The following LRMDA variants were observed in gnomAD, a reference collection of about 807,000 sequenced individuals.
LRMDA encodes the protein leucine rich melanocyte differentiation associated.
In LRMDA, 18 loss-of-function variants were observed where a neutral mutation model predicts 29.8. The observed-to-expected ratio is 0.60, with a 90% CI of 0.42 to 0.90. The LOEUF is 0.90. Among genes scored for constraint, LRMDA ranks in the 40% least tolerant of loss-of-function variants. The probability of loss-of-function intolerance (pLI) is 0.00; values close to 1 mark genes in which losing one functional copy is unlikely to be tolerated. For missense variants in LRMDA, 273 were observed against 273.9 expected, an observed-to-expected ratio of 1.00 and a Z score of 0.02; for synonymous variants, 125 against 109.4, an observed-to-expected ratio of 1.14 and a Z score of -0.89.
intron 5 of LRMDA, among the ~76,000 whole-genome samples, chr10:76,288,658 T>C (rs188355445): frequency 2.0e-5 from 3 of 152,302 alleles, no homozygotes; most frequent in Non-Finnish European, 4.4e-5. Context: ...TCCCATAAAT[T>C]TTATTTAACA....
chr10:76,413,490 TC>T (rs933049145), intron 6 of LRMDA, among the ~76,000 whole-genome samples: 8 of 151,824 alleles, frequency 5.3e-5, no homozygotes, highest in Non-Finnish European at 4.4e-5. Context: ...AACCATCAGA[TC>T]CCCTGAGACT....
chr10:75,555,896 A>T (rs1840207298), intron 2 of LRMDA, among the ~76,000 whole-genome samples: 1 of 152,218 alleles, frequency 6.6e-6, no homozygotes, highest in South Asian at 2.1e-4. Flanking sequence ...TGAACATTCT[A>T]GGACTGAAAA....
chr10:75,546,141 A>G (rs558975865), intron 2 of LRMDA, among the ~76,000 whole-genome samples: 29 of 152,290 alleles, frequency 1.9e-4, no homozygotes, highest in African/African-American at 7.0e-4. Context: ...GAATGAGAGA[A>G]CATTTACTGA....
chr10:75,897,229 A>G (rs974066015), intron 2 of LRMDA, among the ~76,000 whole-genome samples: 1 of 152,230 alleles, frequency 6.6e-6, no homozygotes, highest in Non-Finnish European at 1.5e-5. Flanking sequence ...TCCAATGAGT[A>G]GCAGAATTTT....
intron 2 of LRMDA, among the ~76,000 whole-genome samples, chr10:75,834,197 A>C (rs1442199286): frequency 1.3e-5 from 2 of 152,164 alleles, no homozygotes; most frequent in South Asian, 4.1e-4. Flanking sequence ...ATGGTATCCA[A>C]TGTATGTCAT....
intron 6 of LRMDA, among the ~76,000 whole-genome samples, chr10:76,523,158 G>A (rs2132364085): frequency 6.6e-6 from 1 of 151,280 alleles, no homozygotes; most frequent in East Asian, 2.0e-4. Context: ...AGTGAGGCCT[G>A]GGCACTTAGC....
chr10:75,994,002 C>A (rs1003056582), intron 2 of LRMDA, among the ~76,000 whole-genome samples: 1 of 152,208 alleles, frequency 6.6e-6, no homozygotes, highest in African/African-American at 2.4e-5. Flanking sequence ...TTTTCTCTGG[C>A]TTCATCTACC....
chr10:75,751,024 A>C (rs540246036), intron 2 of LRMDA, among the ~76,000 whole-genome samples: 1 of 152,352 alleles, frequency 6.6e-6, no homozygotes, highest in Admixed American at 6.5e-5. Flanking sequence ...AGCCTGGGCA[A>C]CATTGAGCAC....
chr10:75,557,620 A>G (rs1482097590), intron 2 of LRMDA, among the ~76,000 whole-genome samples: 1 of 152,164 alleles, frequency 6.6e-6, no homozygotes. Flanking sequence ...GTCCAACTCT[A>G]CATAGTTTTC....
At chr10:76,237,271 G>C (rs1174355192) in intron 5 of LRMDA, among the ~76,000 whole-genome samples, 2 of 152,112 alleles carry the variant, frequency 1.3e-5, no homozygotes, top group African/African-American at 4.8e-5. Flanking sequence ...ATATATGTCA[G>C]ATATTATACA....
chr10:75,809,196 G>C lies in LRMDA; in HGVS notation c.132-226812G>C, dbSNP rs573338674. On this transcript the variant is annotated intron_variant, in intron 2 of 6. Transcript: ENST00000611255. The stretch of plus-strand genomic sequence containing the variant: ...CTCGGGGAGGATCAGCCACCTTGCT[G>C]CCAGGTGGCCTCTGCATCTCACCTG... Among the ~76,000 whole-genome samples the C allele has an allele frequency of 1.8e-4, 28 of 152,354 alleles. No homozygotes were observed. The East Asian group carries it at 4.1e-3, about 22-fold the overall frequency.
chr10:75,580,587 CA>C (rs1277908714), intron 2 of LRMDA, among the ~76,000 whole-genome samples: 1 of 151,946 alleles, frequency 6.6e-6, no homozygotes, highest in Non-Finnish European at 1.5e-5. Context: ...CATATGGAAC[CA>C]AAAAAAGAGC....
chr10:75,827,533 G>A (rs1370874805), intron 2 of LRMDA, among the ~76,000 whole-genome samples: 2 of 152,168 alleles, frequency 1.3e-5, no homozygotes, highest in Admixed American at 6.5e-5. Flanking sequence ...CTCATCACAA[G>A]TTTTATGAAA....
chr10:75,843,612 A>G (rs1014328667), intron 2 of LRMDA, among the ~76,000 whole-genome samples: 1 of 152,216 alleles, frequency 6.6e-6, no homozygotes, highest in Non-Finnish European at 1.5e-5. Flanking sequence ...GGTGGAGAGC[A>G]CTTTGAAAAG....
chr10:75,541,190 C>T (rs1389972348), intron 2 of LRMDA, among the ~76,000 whole-genome samples: 1 of 152,064 alleles, frequency 6.6e-6, no homozygotes, highest in Admixed American at 6.6e-5. Context: ...GTCCCAGGGC[C>T]TTATGAGATA....
At chr10:76,150,356 C>G (rs1389248004) in intron 5 of LRMDA, among the ~76,000 whole-genome samples, 1 of 152,198 alleles carries the variant, frequency 6.6e-6, no homozygotes, top group East Asian at 1.9e-4. Flanking sequence ...GTGGCTCTAG[C>G]CCCACCTCAC....
intron 5 of LRMDA, among the ~76,000 whole-genome samples, chr10:76,121,189 A>G (rs1200109670): frequency 3.3e-5 from 5 of 152,014 alleles, no homozygotes; most frequent in African/African-American, 9.7e-5. Flanking sequence ...AGGAGGAGCT[A>G]TGGAGGAGAA....
intron 2 of LRMDA, among the ~76,000 whole-genome samples, chr10:75,599,148 CGGCCTCTG>C (rs990719243): frequency 6.8e-6 from 1 of 146,048 alleles, no homozygotes; most frequent in African/African-American, 2.8e-5. Context: ...CTGGCGTTCA[CGGCCTCTG>C]AGCCTCTGAG....
At chr10:75,542,895 C>A (rs969564495) in intron 2 of LRMDA, among the ~76,000 whole-genome samples, 8 of 152,210 alleles carry the variant, frequency 5.3e-5, no homozygotes, top group African/African-American at 1.9e-4. Flanking sequence ...CTGCCACTGT[C>A]CGGCGCAGCC....
Sources: allele counts gnomAD v4.1 joint callset (sites outside exome capture counted in the v4.1 genomes callset), GRCh38; gene constraint gnomAD v4.1.1; transcripts MANE v1.5; gene names NCBI Gene and HGNC (gene_info 2026-07-23, HGNC 2026-07-21).